Variants in ST8SIA2 observed in about 807,000 individuals in gnomAD.
The protein encoded by ST8SIA2 is ST8 alpha-N-acetyl-neuraminide alpha-2,8-sialyltransferase 2.
Under a neutral mutation model 37.6 loss-of-function variants are expected in ST8SIA2, and 22 were observed. That is an observed-to-expected ratio of 0.58 (90% CI 0.42 to 0.83). ST8SIA2 has a LOEUF of 0.83. Ranked by LOEUF, ST8SIA2 falls within the 40% of genes least tolerant of loss-of-function variation. The pLI, the probability that ST8SIA2 is intolerant of heterozygous loss-of-function variation, is 0.00. For synonymous variants in ST8SIA2, 205 were observed against 201.2 expected, an observed-to-expected ratio of 1.02 and a Z score of -0.16; for missense variants, 382 against 484.7, an observed-to-expected ratio of 0.79 and a Z score of 1.99.
At chr15:92,453,922 G>A (rs954489036) in intron 5 of ST8SIA2, among the ~76,000 whole-genome samples, 1 of 152,148 alleles carries the variant, frequency 6.6e-6, no homozygotes, top group Non-Finnish European at 1.5e-5. Context: ...ATTCCTTCCG[G>A]ACGCTGGGAA....
chr15:92,437,832 T>A (rs2049770016), intron 3 of ST8SIA2, among the ~76,000 whole-genome samples: 1 of 152,124 alleles, frequency 6.6e-6, no homozygotes, highest in Non-Finnish European at 1.5e-5. Context: ...CTAGGAAGTG[T>A]GGGAGTAGCA....
intron 1 of ST8SIA2, among the ~76,000 whole-genome samples, chr15:92,400,783 G>A (rs141378150): frequency 8.9e-4 from 136 of 152,224 alleles, no homozygotes; most frequent in African/African-American, 1.7e-3. Context: ...AGCCGGCCCC[G>A]TCTACCTTAA....
intron 1 of ST8SIA2, among the ~76,000 whole-genome samples, chr15:92,421,714 C>T (rs1281088851): frequency 2.6e-5 from 4 of 152,172 alleles, no homozygotes; most frequent in African/African-American, 9.7e-5. Flanking sequence ...ATGAAAAGTT[C>T]CCCAGTGCTT....
intron 1 of ST8SIA2, among the ~76,000 whole-genome samples, chr15:92,417,031 T>G (rs2049592163): frequency 6.6e-6 from 1 of 152,244 alleles, no homozygotes; most frequent in Non-Finnish European, 1.5e-5. Flanking sequence ...GCAACTGGTT[T>G]GTTCCTTTCC....
chr15:92,425,192 A>G (rs2049666705), intron 1 of ST8SIA2, among the ~76,000 whole-genome samples: 1 of 152,256 alleles, frequency 6.6e-6, no homozygotes, highest in African/African-American at 2.4e-5. Context: ...TATTTTAATA[A>G]CATTTGAGGC....
Position 92,393,927 on chromosome 15 carries a change from C to G in ST8SIA2, c.-138C>G, listed in dbSNP as rs991522605. The G allele has an allele frequency of 5.5e-4, 184 of 332,980 alleles. 1 individual carries two copies. The highest frequency in any genetic ancestry group is 7.7e-4 in the Non-Finnish European group (157 of 204,950). 20.6% of individuals were successfully genotyped at this position (332,980 alleles called of 1,614,324 possible). A position where few individuals can be genotyped will look rare whatever the true frequency, so the allele number is the denominator to read the frequency against. Reference sequence around the variant, plus strand: ...GCCGCTGCCGCTGCCGCTGCCGCCGCCGGCCCGGACTCGTCCGGAGCGCAG... The same window carrying G: ...GCCGCTGCCGCTGCCGCTGCCGCCGGCGGCCCGGACTCGTCCGGAGCGCAG... On this transcript the variant is annotated 5_prime_UTR_variant, in exon 1 of 6. Transcript: ENST00000268164.
At chr15:92,444,277 C>T (rs1458759452) in intron 4 of ST8SIA2, among the ~76,000 whole-genome samples, 1 of 152,100 alleles carries the variant, frequency 6.6e-6, no homozygotes, top group Non-Finnish European at 1.5e-5. Context: ...CCTTCAGATC[C>T]CTCACTCTGT....
chr15:92,438,684 TC>T, intron 4 of ST8SIA2, 74 bp downstream of exon 4: 1 of 1,479,620 alleles, frequency 6.8e-7, no homozygotes, highest in Non-Finnish European at 8.9e-7. Flanking sequence ...TTGCCAGCTG[TC>T]CCAAGAGATT....
At chr15:92,451,036 C>T (rs756074295) in intron 5 of ST8SIA2, among the ~76,000 whole-genome samples, 6 of 152,118 alleles carry the variant, frequency 3.9e-5, no homozygotes, top group African/African-American at 9.7e-5. Flanking sequence ...TTGGACTTGA[C>T]GGACAGTTTA....
intron 5 of ST8SIA2, among the ~76,000 whole-genome samples, chr15:92,449,423 A>G (rs1009952431): frequency 1.3e-5 from 2 of 152,192 alleles, no homozygotes; most frequent in African/African-American, 2.4e-5. Context: ...CTGGGCACCT[A>G]GTTTGATTCC....
chr15:92,438,706 G>T, intron 4 of ST8SIA2, 96 bp downstream of exon 4: 1 of 1,448,726 alleles, frequency 6.9e-7, no homozygotes, highest in Non-Finnish European at 9.1e-7. Flanking sequence ...GAAACAAGAG[G>T]CCCTGGTGGA....
intron 5 of ST8SIA2, among the ~76,000 whole-genome samples, chr15:92,451,388 G>T (rs1015941746): frequency 6.6e-6 from 1 of 152,176 alleles, no homozygotes; most frequent in Admixed American, 6.5e-5. Flanking sequence ...CACCTTATCG[G>T]GGAGAACAAG....
At chr15:92,408,619 G>A (rs2049525440) in intron 1 of ST8SIA2, among the ~76,000 whole-genome samples, 1 of 152,064 alleles carries the variant, frequency 6.6e-6, no homozygotes, top group African/African-American at 2.4e-5. Flanking sequence ...AAATGTGGTA[G>A]GGGCTATATT....
chr15:92,416,115 T>G (rs1364812479), intron 1 of ST8SIA2, among the ~76,000 whole-genome samples: 1 of 150,758 alleles, frequency 6.6e-6, no homozygotes, highest in Admixed American at 6.7e-5. Flanking sequence ...CAGCAGTCTC[T>G]GCACATCGCA....
In ST8SIA2 at chr15:92,416,308, T is replaced by A. The variant is rs2049586372; in HGVS notation, c.99-13741T>A. On this transcript the variant is annotated intron_variant, in intron 1 of 5. Coordinates refer to ENST00000268164, the MANE Select transcript of ST8SIA2 (RefSeq NM_006011.4). ...CTGAATGAACTAGGGGTGGCTGCCA[T>A]TCCCTGAGAGGACACCGGGAGAGAC... 2.0e-5 allele frequency among the ~76,000 whole-genome samples: 3 copies of A among 151,358 alleles called. No individual in the cohort carries two copies. The South Asian group carries it at 6.3e-4, about 32-fold the overall frequency.
chr15:92,400,753 C>T (rs939452838), intron 1 of ST8SIA2, among the ~76,000 whole-genome samples: 5 of 152,162 alleles, frequency 3.3e-5, no homozygotes, highest in Non-Finnish European at 7.4e-5. Flanking sequence ...CTGAGGCTGC[C>T]CCCTCCTGCC....
chr15:92,438,242 G>A, intron 3 of ST8SIA2, 111 bp from the exon 4 acceptor site: 1 of 1,498,946 alleles, frequency 6.7e-7, no homozygotes, highest in Non-Finnish European at 9.3e-7. Flanking sequence ...TACTCTGCGT[G>A]TTTGCTGGGC....
chr15:92,395,639 CT>C (rs2049425458), intron 1 of ST8SIA2, among the ~76,000 whole-genome samples: 1 of 152,228 alleles, frequency 6.6e-6, no homozygotes, highest in Non-Finnish European at 1.5e-5. Flanking sequence ...AAACATGCTA[CT>C]TTTCATAGCT....
At chr15:92,454,095 T>C (rs1401097502) in intron 5 of ST8SIA2, among the ~76,000 whole-genome samples, 1 of 152,160 alleles carries the variant, frequency 6.6e-6, no homozygotes, top group Admixed American at 6.5e-5. Context: ...AGCTCGCTAA[T>C]CAGGGCTACC....
Sources: gnomAD v4.1 joint callset for allele counts (sites outside exome capture counted in the v4.1 genomes callset) on GRCh38, gnomAD v4.1.1 for gene constraint, MANE v1.5 for transcripts, NCBI Gene and HGNC (gene_info 2026-07-23, HGNC 2026-07-21) for gene names.